NAV2: variants seen among roughly 807,000 people sequenced by gnomAD.
NAV2 encodes the protein helicase, APC down-regulated 1.
NAV2 carries 54 observed loss-of-function variants against 223.2 expected under a neutral mutation model. The observed-to-expected ratio is 0.24, with a 90% CI of 0.19 to 0.30. NAV2 has a LOEUF of 0.30. Ranked by LOEUF, NAV2 falls within the 10% of genes least tolerant of loss-of-function variation. NAV2 has a pLI of 1.00. For synonymous variants in NAV2, 1,279 were observed against 1,239.3 expected (o/e 1.03, Z -0.67); for missense variants, 2,806 against 3,147.5 (o/e 0.89, Z 2.60).
At chr11:19,875,162 G>A (rs1053509849) in intron 4 of NAV2, among the ~76,000 whole-genome samples, 2 of 152,106 alleles carry the variant, frequency 1.3e-5, no homozygotes, top group Non-Finnish European at 2.9e-5. Context: ...GTCTCAAAAC[G>A]AACAAAACTA....
intron 1 of NAV2, among the ~76,000 whole-genome samples, chr11:19,785,951 T>C (rs1348836099): frequency 6.6e-6 from 1 of 152,160 alleles, no homozygotes; most frequent in Non-Finnish European, 1.5e-5. Flanking sequence ...AAGGTGCTTA[T>C]CACTCAGTAA....
intron 1 of NAV2, among the ~76,000 whole-genome samples, chr11:19,525,323 A>G (rs1327242202): frequency 7.9e-5 from 12 of 152,214 alleles, no homozygotes; most frequent in Admixed American, 7.9e-4. Context: ...TCAGATCATC[A>G]GAAATGCTCA....
chr11:20,078,148 C>T (rs753479951), intron 24 of NAV2, 44 bp downstream of exon 24: 1 of 1,368,324 alleles, frequency 7.3e-7, no homozygotes, highest in South Asian at 1.2e-5. Flanking sequence ...CCTGCCTGCC[C>T]TTAGGAGCCC....
chr11:19,719,590 G>T (rs1389278137), intron 1 of NAV2, among the ~76,000 whole-genome samples: 4 of 152,114 alleles, frequency 2.6e-5, no homozygotes, highest in Non-Finnish European at 5.9e-5. Context: ...GCCTATTTTT[G>T]TTACCTAAGG....
chr11:19,614,478 G>T (rs1288903354), intron 1 of NAV2, among the ~76,000 whole-genome samples: 1 of 152,080 alleles, frequency 6.6e-6, no homozygotes, highest in Non-Finnish European at 1.5e-5. Context: ...CAGAAGTACA[G>T]AGAATTCCCA....
chr11:19,841,930 T>A (rs1426376423), intron 2 of NAV2, among the ~76,000 whole-genome samples: 2 of 152,212 alleles, frequency 1.3e-5, no homozygotes, highest in Non-Finnish European at 1.5e-5. Flanking sequence ...GTGAAGCAGG[T>A]AGTATTAACT....
intron 1 of NAV2, among the ~76,000 whole-genome samples, chr11:19,531,634 G>A (rs927689105): frequency 2.6e-5 from 4 of 152,196 alleles, no homozygotes; most frequent in Non-Finnish European, 5.9e-5. Flanking sequence ...TGAGACAGGG[G>A]AGAATGAAAG....
intron 12 of NAV2, among the ~76,000 whole-genome samples, chr11:20,038,762 A>T (rs1016285074): frequency 6.6e-6 from 1 of 152,228 alleles, no homozygotes; most frequent in Admixed American, 6.5e-5. Flanking sequence ...GAAGTGGCTC[A>T]GCATGTCCAT....
intron 7 of NAV2, among the ~76,000 whole-genome samples, chr11:19,937,457 A>G (rs895461809): frequency 2.0e-5 from 3 of 152,130 alleles, no homozygotes; most frequent in Non-Finnish European, 2.9e-5. Flanking sequence ...ATATTTATCA[A>G]TTCAGAAGTA....
chr11:19,426,795 A>G (rs1308678824), intron 1 of NAV2, among the ~76,000 whole-genome samples: 1 of 152,004 alleles, frequency 6.6e-6, no homozygotes, highest in East Asian at 1.9e-4. Context: ...TTGAGGACCT[A>G]TCTGACTCTC....
At chr11:19,836,839 T>A (rs2152924752) in intron 2 of NAV2, among the ~76,000 whole-genome samples, 1 of 152,306 alleles carries the variant, frequency 6.6e-6, no homozygotes, top group Non-Finnish European at 1.5e-5. Context: ...AGATTCTATG[T>A]CTTGGGAGGG....
At chr11:19,794,272 G>A (rs1184339441) in intron 1 of NAV2, among the ~76,000 whole-genome samples, 4 of 152,162 alleles carry the variant, frequency 2.6e-5, no homozygotes, top group Admixed American at 2.6e-4. Context: ...CTAAGCCAGC[G>A]ATGGTTCCTC....
At chr11:19,460,996 C>G (rs1222277203) in intron 1 of NAV2, among the ~76,000 whole-genome samples, 1 of 152,146 alleles carries the variant, frequency 6.6e-6, no homozygotes, top group African/African-American at 2.4e-5. Flanking sequence ...GAATTAAACT[C>G]AGGTCTGATT....
At chr11:19,611,876 C>T (rs1026982506) in intron 1 of NAV2, among the ~76,000 whole-genome samples, 1 of 152,266 alleles carries the variant, frequency 6.6e-6, no homozygotes, top group East Asian at 1.9e-4. Flanking sequence ...GGCAGTGCCC[C>T]AGTAAGGACT....
chr11:19,584,294 G>T (rs569216147), intron 1 of NAV2, among the ~76,000 whole-genome samples: 16 of 151,852 alleles, frequency 1.1e-4, no homozygotes, highest in Non-Finnish European at 1.8e-4. Flanking sequence ...TCTTGCTAGC[G>T]GTCTATCGAT....
chr11:19,690,351 C>A (rs535979776), intron 1 of NAV2, among the ~76,000 whole-genome samples: 1 of 152,330 alleles, frequency 6.6e-6, no homozygotes, highest in African/African-American at 2.4e-5. Flanking sequence ...TCAGGCATAC[C>A]TGCATGGCCA....
chr11:19,448,920 G>A (rs1242703625), intron 1 of NAV2, among the ~76,000 whole-genome samples: 2 of 152,188 alleles, frequency 1.3e-5, no homozygotes, highest in Non-Finnish European at 2.9e-5. Flanking sequence ...TGATTGCTAA[G>A]GAAATAGAGC....
At chr11:19,533,330 C>A (rs969466573) in intron 1 of NAV2, among the ~76,000 whole-genome samples, 2 of 151,968 alleles carry the variant, frequency 1.3e-5, no homozygotes, top group African/African-American at 4.8e-5. Context: ...GCGACAACTC[C>A]CCATCCCCAG....
chr11:19,595,921 AT>A (rs1384059515), intron 1 of NAV2, among the ~76,000 whole-genome samples: 1 of 152,212 alleles, frequency 6.6e-6, no homozygotes, highest in Admixed American at 6.5e-5. Flanking sequence ...TGTATTTTAT[AT>A]CACAATTCCG....
Sources: allele counts gnomAD v4.1 joint callset (sites outside exome capture counted in the v4.1 genomes callset), GRCh38; gene constraint gnomAD v4.1.1; transcripts MANE v1.5; gene names NCBI Gene and HGNC (gene_info 2026-07-23, HGNC 2026-07-21).